The following CCDC14 variants were observed in gnomAD, a reference collection of about 807,000 sequenced individuals.
CCDC14 encodes the protein coiled-coil domain containing 14.
A neutral mutation model predicts 81.4 loss-of-function variants in CCDC14; 71 were observed. The observed-to-expected ratio is 0.87, with a 90% CI of 0.72 to 1.06. CCDC14 has a LOEUF of 1.06. CCDC14 is among the 50% of genes least tolerant of loss of function. The pLI, the probability that CCDC14 is intolerant of heterozygous loss-of-function variation, is 0.00. For synonymous variants in CCDC14, 332 were observed against 364.8 expected, an observed-to-expected ratio of 0.91 and a Z score of 1.03; for missense variants, 1,046 against 1,047.3, an observed-to-expected ratio of 1.00 and a Z score of 0.02.
intron 9 of CCDC14, among the ~76,000 whole-genome samples, chr3:123,936,061 T>C (rs1215946926): frequency 6.6e-6 from 1 of 152,046 alleles, no homozygotes; most frequent in Non-Finnish European, 1.5e-5. Context: ...GTATCTGCAG[T>C]TTCTCCCTCT....
At chr3:123,924,950 T>TAC (rs775087550) in intron 12 of CCDC14, among the ~76,000 whole-genome samples, 10 of 131,498 alleles carry the variant, frequency 7.6e-5, no homozygotes, top group African/African-American at 3.3e-4. Context: ...TATGTATACA[T>TAC]ATATACACAC....
At chr3:123,910,784 AAATC>A (rs2034427316), downstream of CCDC14, among the ~76,000 whole-genome samples, 1 of 152,140 alleles carries the variant, frequency 6.6e-6, no homozygotes, top group African/African-American at 2.4e-5. Context: ...CACCAACAGA[AAATC>A]AAGTTATGCC....
chr3:123,922,324 A>G (rs886867084), intron 12 of CCDC14, among the ~76,000 whole-genome samples: 1 of 152,190 alleles, frequency 6.6e-6, no homozygotes, highest in Non-Finnish European at 1.5e-5. Flanking sequence ...AAAGGAGAAC[A>G]AATTAAGCCC....
intron 9 of CCDC14, among the ~76,000 whole-genome samples, chr3:123,942,613 T>C (rs927982551): frequency 1.3e-5 from 2 of 152,128 alleles, no homozygotes; most frequent in African/African-American, 4.8e-5. Flanking sequence ...CTTTAAAAAT[T>C]TGTGTAGATC....
intron 4 of CCDC14, 36 bp downstream of exon 4, chr3:123,956,010 G>C: frequency 2.0e-6 from 3 of 1,530,078 alleles, no homozygotes; most frequent in Non-Finnish European, 2.6e-6. Flanking sequence ...AATGACTTGA[G>C]ATAAGGTGAT....
intron 8 of CCDC14, among the ~76,000 whole-genome samples, chr3:123,946,310 GA>G (rs1011826950): frequency 1.3e-5 from 2 of 151,676 alleles, no homozygotes; most frequent in Non-Finnish European, 2.9e-5. Flanking sequence ...CTTGATTTAA[GA>G]AAAAAAGTCC....
At chr3:123,960,277 T>C (rs2037602139) in intron 1 of CCDC14, among the ~76,000 whole-genome samples, 1 of 152,262 alleles carries the variant, frequency 6.6e-6, no homozygotes, top group African/African-American at 2.4e-5. Flanking sequence ...TACAGTGTGC[T>C]AAGGTCTTTC....
At position 123,927,471 on chromosome 3, in the gene CCDC14, CTG is replaced by C. The variant is rs1321107527; in HGVS notation, c.1778+3629_1778+3630del. Reference sequence around the variant, plus strand: ...AATGAACGTACTTAGAATTTTGAAGCTGTTTCTAAATCTTTAGAAAATGTAGG... The same window carrying C: ...AATGAACGTACTTAGAATTTTGAAGCTTTCTAAATCTTTAGAAAATGTAGG... On this transcript the variant is annotated intron_variant, in intron 12 of 12. Coordinates refer to ENST00000409697, the MANE Select transcript of CCDC14 (RefSeq NM_001366335.1). Among the ~76,000 whole-genome samples, 10 of 152,190 alleles carry C rather than the reference CTG, an allele frequency of 6.6e-5. 1 individual carries two copies. Among genetic ancestry groups the C allele is most frequent in the African/African-American group, 2.4e-4 (10 of 41,548 alleles).
downstream of CCDC14, among the ~76,000 whole-genome samples, chr3:123,892,760 C>CA (rs2034007901): frequency 6.6e-6 from 1 of 152,012 alleles, no homozygotes; most frequent in African/African-American, 2.4e-5. Context: ...TTAATTTTTT[C>CA]ACTTTTTTAT....
chr3:123,939,152 A>G (rs1249659696), intron 9 of CCDC14, among the ~76,000 whole-genome samples: 1 of 151,812 alleles, frequency 6.6e-6, no homozygotes, highest in African/African-American at 2.4e-5. Flanking sequence ...TTGCCTTTGC[A>G]CTAAAAGGAC....
Position 123,946,833 on chromosome 3 carries a change from C to T in CCDC14, c.1171G>A (p.Gly391Arg). Residue 391 changes from glycine (G) to arginine (R), a missense_variant, in exon 8 of 13, where the codon GGA becomes AGA. Physicochemically the swap from Gly to Arg is moderately radical, Grantham distance 125 (BLOSUM62 -2). Coordinates refer to ENST00000409697, the MANE Select transcript of CCDC14 (RefSeq NM_001366335.1). Reference sequence around the variant, plus strand: ...TCTGCTACCAGGGCCTTGAGCTCTCCCAACAAATATTTTATAATTCTAACT... The same window carrying T: ...TCTGCTACCAGGGCCTTGAGCTCTCTCAACAAATATTTTATAATTCTAACT... ...EKVRIIKYLL[G>R]ELKALVAEQE... 1.2e-6 allele frequency: 2 copies of T among 1,613,760 alleles called. No individual in the cohort carries two copies. Among genetic ancestry groups the T allele is most frequent in the Non-Finnish European group, 1.7e-6 (2 of 1,179,788 alleles).
intron 5 of CCDC14, among the ~76,000 whole-genome samples, chr3:123,949,751 A>G (rs1334063907): frequency 1.3e-5 from 2 of 151,950 alleles, no homozygotes; most frequent in African/African-American, 4.8e-5. Flanking sequence ...ATTCCTACCA[A>G]TCCAATTCTA....
intron 12 of CCDC14, among the ~76,000 whole-genome samples, chr3:123,924,938 T>C (rs2035271693): frequency 7.0e-6 from 1 of 143,076 alleles, no homozygotes; most frequent in Non-Finnish European, 1.5e-5. Context: ...CACACACATA[T>C]ATATGTATAC....
rs2034575827 is a variant in CCDC14 at position 123,915,030 on chromosome 3, T to G, written c.2467A>C (p.Thr823Pro). The part of the protein sequence containing the change: ...KEAIGKIPAA[T>P]KEPEEQTACH... Reference sequence around the variant, plus strand: ...GCAGTTTGTTCCTCTGGCTCCTTGGTGGCAGCAGGGATCTTACCAATTGCT... The same window carrying G: ...GCAGTTTGTTCCTCTGGCTCCTTGGGGGCAGCAGGGATCTTACCAATTGCT... Residue 823 changes from threonine to proline, a missense_variant, in exon 13 of 13, where the codon ACC becomes CCC. Transcript: ENST00000409697. 1.9e-6 allele frequency: 3 copies of G among 1,613,938 alleles called. No homozygotes were observed. The South Asian group carries it at 3.3e-5, about 18-fold the overall frequency.
chr3:123,943,140 A>C (rs554909739), intron 9 of CCDC14, among the ~76,000 whole-genome samples: 75 of 152,052 alleles, frequency 4.9e-4, no homozygotes, highest in African/African-American at 1.8e-3. Context: ...ATATACGTAT[A>C]TATACACATA....
chr3:123,955,880 T>A lies in CCDC14; in HGVS notation c.315A>T (p.Glu105Asp), dbSNP rs2037292749. 2 of 1,536,020 alleles carry A rather than the reference T, an allele frequency of 1.3e-6. No homozygotes were observed. Among genetic ancestry groups the A allele is most frequent in the Non-Finnish European group, 1.8e-6 (2 of 1,139,222 alleles). ...GGACTACCAAAGGAATAGTATGTTT[T>A]TCATGTCTTTTCTTTTTTGATCCGT... is the stretch of plus-strand genomic sequence containing the variant. The part of the protein sequence containing the change: ...KRYGSKKKRH[E>D]KHTIPLVVQK... Residue 105 changes from glutamate to aspartate, a missense_variant, in exon 5 of 13, where the codon GAA (glutamate) becomes GAT (aspartate). Glu to Asp is a conservative substitution (Grantham distance 45). Coordinates refer to ENST00000409697, the MANE Select transcript of CCDC14 (RefSeq NM_001366335.1).
At chr3:123,947,440 G>A in intron 7 of CCDC14, 121 bp from the exon 8 acceptor site, 1 of 688,054 alleles carries the variant, frequency 1.5e-6, no homozygotes, top group Non-Finnish European at 2.3e-6. Context: ...TATTCATTTT[G>A]TGAATATTTA....
chr3:123,950,935 C>T (rs563024285), intron 5 of CCDC14, among the ~76,000 whole-genome samples: 1 of 151,730 alleles, frequency 6.6e-6, no homozygotes, highest in South Asian at 2.1e-4. Context: ...AATACTATAA[C>T]CAGTGAAAAT....
chr3:123,942,870 T>C (rs547288552), intron 9 of CCDC14, among the ~76,000 whole-genome samples: 7 of 152,194 alleles, frequency 4.6e-5, no homozygotes, highest in Admixed American at 4.6e-4. Context: ...GTTCTACATC[T>C]TTCCTAAACA....
Sources: allele counts gnomAD v4.1 joint callset (sites outside exome capture counted in the v4.1 genomes callset), GRCh38; gene constraint gnomAD v4.1.1; transcripts MANE v1.5; gene names NCBI Gene and HGNC (gene_info 2026-07-23, HGNC 2026-07-21).